The following ATOH8 variants were observed in gnomAD, a reference collection of about 807,000 sequenced individuals.
ATOH8 encodes transcription factor ATOH8.
In ATOH8, 9 loss-of-function variants were observed where a neutral mutation model predicts 21.2. That is an observed-to-expected ratio of 0.42 (90% CI 0.26 to 0.74). The LOEUF is 0.74. ATOH8 is among the 30% of genes least tolerant of loss of function. The pLI, the probability that ATOH8 is intolerant of heterozygous loss-of-function variation, is 0.24. For synonymous variants in ATOH8, 253 were observed against 224.0 expected, an observed-to-expected ratio of 1.13 and a Z score of -1.16; for missense variants, 524 against 470.9, an observed-to-expected ratio of 1.11 and a Z score of -1.04.
At chr2:85,755,600 G>A (rs1679666223) in intron 1 of ATOH8, among the ~76,000 whole-genome samples, 1 of 152,204 alleles carries the variant, frequency 6.6e-6, no homozygotes, top group African/African-American at 2.4e-5. Flanking sequence ...CTGCCGAGGG[G>A]ACTGCCTAGG....
intron 2 of ATOH8, among the ~76,000 whole-genome samples, chr2:85,765,758 C>A (rs1679998103): frequency 6.6e-6 from 1 of 152,184 alleles, no homozygotes; most frequent in South Asian, 2.1e-4. Context: ...GTCCCGCCTT[C>A]CCGGGTTCTT....
chr2:85,775,988 G>A (rs1680309316), intron 2 of ATOH8, among the ~76,000 whole-genome samples: 1 of 152,212 alleles, frequency 6.6e-6, no homozygotes, highest in South Asian at 2.1e-4. Flanking sequence ...CAGTGCTGAG[G>A]TTCACAGAAC....
chr2:85,787,273 C>G lies in ATOH8; in HGVS notation c.*383C>G, dbSNP rs527534651. ...CCGTTGCTCTGTGACTTTTGCTCCT[C>G]CTGTTGCCTGAGCCCCATCTCAAGC... On this transcript the variant is annotated 3_prime_UTR_variant, in exon 3 of 3. Coordinates refer to ENST00000306279, the MANE Select transcript of ATOH8 (RefSeq NM_032827.7). 2.8e-4 allele frequency: 69 copies of G among 246,182 alleles called. 3 individuals are homozygous for G. In the South Asian group the frequency reaches 7.1e-3, roughly 25 times the overall value. 15.2% of individuals were successfully genotyped at this position (246,182 alleles called of 1,614,324 possible).
rs961557868 is a variant in ATOH8, at chr2:85,790,284, A to G, written c.*3394A>G. On this transcript the variant is annotated 3_prime_UTR_variant, in exon 3 of 3. Transcript: ENST00000306279. ...AGGGACCCGCAAGATCTTCCTGGGT[A>G]TGTCTGCATGAAGCCCCACGTGTGC... Among the ~76,000 whole-genome samples, 1 of 152,178 alleles carries G rather than the reference A, an allele frequency of 6.6e-6. No individual in the cohort carries two copies. The highest frequency in any genetic ancestry group is 1.5e-5 in the Non-Finnish European group (1 of 68,040).
chr2:85,763,918 A>G, intron 1 of ATOH8, 73 bp from the exon 2 acceptor site: 1 of 1,453,448 alleles, frequency 6.9e-7, no homozygotes, highest in Non-Finnish European at 9.4e-7. Flanking sequence ...TATACCATAG[A>G]CAGGCCGTCT....
chr2:85,788,957 C>A lies in ATOH8; in HGVS notation c.*2067C>A, dbSNP rs1322038984. Among the ~76,000 whole-genome samples the A allele has an allele frequency of 1.3e-5, 2 of 152,294 alleles. No individual in the cohort carries two copies. Among genetic ancestry groups the A allele is most frequent in the South Asian group, 2.1e-4 (1 of 4,830 alleles). On this transcript the variant is annotated 3_prime_UTR_variant, in exon 3 of 3. Coordinates refer to ENST00000306279, the MANE Select transcript of ATOH8 (RefSeq NM_032827.7). ...GGGCATGGAATGGGGCCAGGAGGGTCTGTTAGGAAGGTTCAGCCACCCTGT... is the reference window on the plus strand; with the variant it reads ...GGGCATGGAATGGGGCCAGGAGGGTATGTTAGGAAGGTTCAGCCACCCTGT...
At chr2:85,778,311 T>TCC (rs199701227) in intron 2 of ATOH8, among the ~76,000 whole-genome samples, 9 of 151,876 alleles carry the variant, frequency 5.9e-5, no homozygotes, top group African/African-American at 2.2e-4. Flanking sequence ...CGTGTGTGTG[T>TCC]GTGTGCGCGC....
chr2:85,776,706 T>C (rs184380939), intron 2 of ATOH8, among the ~76,000 whole-genome samples: 1 of 152,138 alleles, frequency 6.6e-6, no homozygotes, highest in African/African-American at 2.4e-5. Flanking sequence ...ATTTCAAAAT[T>C]GCTCTACCTG....
intron 1 of ATOH8, among the ~76,000 whole-genome samples, chr2:85,758,006 C>T (rs928909207): frequency 3.4e-4 from 52 of 151,992 alleles, no homozygotes; most frequent in African/African-American, 1.0e-3. Flanking sequence ...AGGCTGGCCT[C>T]GAACTCCTGG....
In ATOH8 at chr2:85,754,130, C is replaced by T. The variant is rs1025593711; in HGVS notation, c.-60C>T. ...AGCGGGAGAGCCAGAGACTCCTCGG[C>T]GCTGAGCGCGGCGGCGGCCCGGGCA... On this transcript the variant is annotated 5_prime_UTR_variant, in exon 1 of 3. Coordinates refer to ENST00000306279, the MANE Select transcript of ATOH8 (RefSeq NM_032827.7). 3.5e-6 allele frequency: 5 copies of T among 1,417,022 alleles called. No homozygotes were observed. The highest frequency in any genetic ancestry group is 3.7e-6 in the Non-Finnish European group (4 of 1,092,194). The allele number at this position is 1,417,022 out of a possible 1,614,324, so 87.8% of individuals were successfully genotyped here. A position where few individuals can be genotyped will look rare whatever the true frequency, so the allele number is the denominator to read the frequency against.
intron 2 of ATOH8, 131 bp from the exon 3 acceptor site, chr2:85,786,754 C>T: frequency 8.4e-7 from 1 of 1,196,104 alleles, no homozygotes; most frequent in Non-Finnish European, 1.2e-6. Flanking sequence ...CCTGGCTCTT[C>T]CACTTATCGA....
At chr2:85,786,855 C>T (rs1680633670) in intron 2 of ATOH8, 30 bp from the exon 3 acceptor site, 1 of 1,613,780 alleles carries the variant, frequency 6.2e-7, no homozygotes, top group Non-Finnish European at 8.5e-7. Context: ...GGAGCAGGGG[C>T]AGCTTTTAAT....
intron 1 of ATOH8, among the ~76,000 whole-genome samples, chr2:85,758,240 G>A (rs1354005489): frequency 6.6e-6 from 1 of 152,178 alleles, no homozygotes; most frequent in East Asian, 1.9e-4. Flanking sequence ...ATGGTGCTAA[G>A]CTTGTTATGT....
At chr2:85,782,142 T>C (rs1289398952) in intron 2 of ATOH8, among the ~76,000 whole-genome samples, 2 of 152,192 alleles carry the variant, frequency 1.3e-5, no homozygotes, top group Non-Finnish European at 2.9e-5. Context: ...TTTCACCTTT[T>C]AGTTTTAAAA....
At chr2:85,779,097 G>A (rs1420524028) in intron 2 of ATOH8, among the ~76,000 whole-genome samples, 1 of 152,210 alleles carries the variant, frequency 6.6e-6, no homozygotes, top group East Asian at 1.9e-4. Flanking sequence ...CAGCCTGGGT[G>A]CCCCCTTGAG....
At chr2:85,781,303 T>C (rs555429398) in intron 2 of ATOH8, 2 of 173,596 alleles carry the variant, frequency 1.2e-5, no homozygotes, top group East Asian at 3.8e-4. Flanking sequence ...TTCTTTTTCT[T>C]TTTTTTGAGG....
Position 85,781,436 on chromosome 2 carries a change from A to G in ATOH8, c.961-5449A>G, listed in dbSNP as rs368222059. On this transcript the variant is annotated intron_variant, in intron 2 of 2. Coordinates refer to ENST00000306279, the MANE Select transcript of ATOH8 (RefSeq NM_032827.7). ...ACAAAAATTAACCGGGTGTGATTAC[A>G]TACGCTTGTAATCCTAGCTACTCGG... Among the ~76,000 whole-genome samples the G allele has an allele frequency of 6.6e-5, 10 of 152,216 alleles. No individual in the cohort carries two copies. The East Asian group carries it at 1.2e-3, about 18-fold the overall frequency.
Position 85,775,249 on chromosome 2 carries a change from G to C in ATOH8, c.960+11067G>C, listed in dbSNP as rs946842238. 7 of 985,178 alleles carry C rather than the reference G, an allele frequency of 7.1e-6. No homozygotes were observed. The African/African-American group carries it at 1.2e-4, about 17-fold the overall frequency. 61.0% of individuals were successfully genotyped at this position (985,178 alleles called of 1,614,324 possible). Reference sequence around the variant, plus strand: ...CTTTCTCTTTGTGTCCTGTCTTCTGGCACATACTAGGGCCCCCAAATAATG... The same window carrying C: ...CTTTCTCTTTGTGTCCTGTCTTCTGCCACATACTAGGGCCCCCAAATAATG... On this transcript the variant is annotated intron_variant, in intron 2 of 2. Transcript: ENST00000306279.
chr2:85,763,852 G>T, intron 1 of ATOH8, 139 bp from the exon 2 acceptor site: 1 of 670,006 alleles, frequency 1.5e-6, no homozygotes, highest in Middle Eastern at 3.7e-4. Flanking sequence ...GTGTGTGTGT[G>T]TGTGTAAACA....
Sources: gnomAD v4.1 joint callset for allele counts (sites outside exome capture counted in the v4.1 genomes callset) on GRCh38, gnomAD v4.1.1 for gene constraint, MANE v1.5 for transcripts, NCBI Gene and HGNC (gene_info 2026-07-23, HGNC 2026-07-21) for gene names.